SLC27A4: variants seen among roughly 807,000 people sequenced by gnomAD.
SLC27A4 encodes the protein long-chain fatty acid transport protein 4.
A neutral mutation model predicts 64.4 loss-of-function variants in SLC27A4; 33 were observed. That is an observed-to-expected ratio of 0.51 (90% CI 0.39 to 0.68). SLC27A4 has a LOEUF of 0.68. Ranked by LOEUF, SLC27A4 falls within the 30% of genes least tolerant of loss-of-function variation. The pLI, the probability that SLC27A4 is intolerant of heterozygous loss-of-function variation, is 0.00. For synonymous variants in SLC27A4, 377 were observed against 370.0 expected, an observed-to-expected ratio of 1.02 and a Z score of -0.22; for missense variants, 824 against 883.5, an observed-to-expected ratio of 0.93 and a Z score of 0.85.
intron 3 of SLC27A4, among the ~76,000 whole-genome samples, chr9:128,346,162 A>G (rs902798469): frequency 6.6e-6 from 1 of 152,114 alleles, no homozygotes. Flanking sequence ...CTGCCTCTCA[A>G]AGTGCTGGGA....
chr9:128,352,803 A>T (rs140839097), intron 7 of SLC27A4, 56 bp downstream of exon 7: 2 of 1,361,578 alleles, frequency 1.5e-6, no homozygotes, highest in Non-Finnish European at 2.1e-6. Context: ...CCTCTTCCCA[A>T]CTACACTCCG....
In SLC27A4 at chr9:128,345,443, T is replaced by A. The variant is rs141658118; in HGVS notation, c.450T>A (p.Gly150=). The A allele has an allele frequency of 2.5e-6, 4 of 1,613,492 alleles. No individual in the cohort carries two copies. The highest frequency in any genetic ancestry group is 3.4e-6 in the Non-Finnish European group (4 of 1,179,998). ...TATGGCTGGGCATGGCCAAGCTCGG[T>A]GTGGAGGCAGCCCTCATCAACACCA... is the stretch of plus-strand genomic sequence containing the variant. ...VGLWLGMAKL[G]VEAALINTNL... is the part of the protein sequence containing the mutation. Residue 150 remains glycine, a synonymous_variant, in exon 3 of 13, where the codon GGT becomes GGA. Coordinates refer to ENST00000300456, the MANE Select transcript of SLC27A4 (RefSeq NM_005094.4). This position sits in a 1 kb window ranked among gnomAD's most constrained non-coding sequence, Gnocchi z 4.1.
At chr9:128,347,619 C>T (rs1352802927) in intron 3 of SLC27A4, among the ~76,000 whole-genome samples, 1 of 151,012 alleles carries the variant, frequency 6.6e-6, no homozygotes, top group Non-Finnish European at 1.5e-5. Flanking sequence ...CTTGGCTACT[C>T]AGGAGGCTGA....
At chr9:128,352,553 C>A in intron 6 of SLC27A4, 85 bp from the exon 7 acceptor site, 2 of 1,097,446 alleles carry the variant, frequency 1.8e-6, no homozygotes, top group South Asian at 1.3e-5. Context: ...CACAAGCCTG[C>A]CTGGCTGGAT....
chr9:128,347,099 G>GT (rs1170761562), intron 3 of SLC27A4, among the ~76,000 whole-genome samples: 2 of 152,128 alleles, frequency 1.3e-5, no homozygotes, highest in Admixed American at 1.3e-4. Flanking sequence ...TAATTAGGCC[G>GT]TATCTAGCTC....
chr9:128,358,858 G>A (rs562434135), intron 12 of SLC27A4, among the ~76,000 whole-genome samples: 1 of 152,306 alleles, frequency 6.6e-6, no homozygotes, highest in Non-Finnish European at 1.5e-5. Context: ...TCACCCTTTG[G>A]AAGGCTAGAC....
At chr9:128,351,713 T>C (rs758760203) in intron 6 of SLC27A4, among the ~76,000 whole-genome samples, 4 of 152,130 alleles carry the variant, frequency 2.6e-5, no homozygotes, top group Non-Finnish European at 2.9e-5. Context: ...CAAGACTCTG[T>C]CTCAAAATAA....
Position 128,352,692 on chromosome 9 carries a change from GGAA to G in SLC27A4, c.937_939del (p.Lys313del). ...CTGCATGGCATGACGGTGGTGATTCGGAAGAAGTTCTCAGCCTCCCGGTTCTGG... is the reference window on the plus strand; with the variant it reads ...CTGCATGGCATGACGGTGGTGATTCGGAAGTTCTCAGCCTCCCGGTTCTGG... On this transcript the variant is annotated inframe_deletion, in exon 7 of 13. Coordinates refer to ENST00000300456, the MANE Select transcript of SLC27A4 (RefSeq NM_005094.4). 6.2e-7 allele frequency: 1 copy of G among 1,614,166 alleles called. No individual in the cohort carries two copies. The highest frequency in any genetic ancestry group is 8.5e-7 in the Non-Finnish European group (1 of 1,180,024).
At chr9:128,357,495 T>C (rs1832838085) in intron 12 of SLC27A4, among the ~76,000 whole-genome samples, 1 of 151,984 alleles carries the variant, frequency 6.6e-6, no homozygotes, top group Non-Finnish European at 1.5e-5. Context: ...TCTACAAAGC[T>C]CTCTGGCTGC....
At chr9:128,343,374 C>T in intron 2 of SLC27A4, 81 bp downstream of exon 2, 3 of 1,522,418 alleles carry the variant, frequency 2.0e-6, no homozygotes, top group Non-Finnish European at 1.8e-6. Context: ...CAGGCCAGAC[C>T]TCATGTTCTC....
chr9:128,345,868 G>T lies in SLC27A4; in HGVS notation c.556+319G>T, dbSNP rs1221780949. On this transcript the variant is annotated intron_variant, in intron 3 of 12. Coordinates refer to ENST00000300456, the MANE Select transcript of SLC27A4 (RefSeq NM_005094.4). This position sits in a 1 kb window ranked among gnomAD's most constrained non-coding sequence, Gnocchi z 4.1. ...GGATCCCTTGAGCCCAGGAGTTTGA[G>T]ACCAGCCTAGGCAACATAGTAAGAC... is the stretch of plus-strand genomic sequence containing the variant. 6.6e-6 allele frequency among the ~76,000 whole-genome samples: 1 copy of T among 152,188 alleles called. No homozygotes were observed. Among genetic ancestry groups the T allele is most frequent in the East Asian group, 1.9e-4 (1 of 5,182 alleles).
chr9:128,360,436 T>A lies in SLC27A4; in HGVS notation c.1877T>A (p.Val626Asp), dbSNP rs1156678402. ...FYLDAQKGRY[V>D]PLDQEAYSRI... is the part of the protein sequence containing the mutation. ...CTAGATGCCCAGAAGGGCCGCTACG[T>A]CCCGCTGGACCAAGAGGCCTACAGC... is the stretch of plus-strand genomic sequence containing the variant. The change falls in exon 13 of 13, where the codon GTC becomes GAC. Residue 626 changes from valine to aspartate, a missense_variant. Val to Asp is a radical substitution (Grantham distance 152). Coordinates refer to ENST00000300456, the MANE Select transcript of SLC27A4 (RefSeq NM_005094.4). The A allele has an allele frequency of 6.2e-7, 1 of 1,613,948 alleles. No individual in the cohort carries two copies. Among genetic ancestry groups the A allele is most frequent in the Non-Finnish European group, 8.5e-7 (1 of 1,180,036 alleles).
chr9:128,345,697 C>T lies in SLC27A4; in HGVS notation c.556+148C>T, dbSNP rs1348140175. On this transcript the variant is annotated intron_variant, in intron 3 of 12. Coordinates refer to ENST00000300456, the MANE Select transcript of SLC27A4 (RefSeq NM_005094.4). This position sits in a 1 kb window ranked among gnomAD's most constrained non-coding sequence, Gnocchi z 4.1. ...CAGCTTAGGCAGTGCCACGAGTAAA[C>T]GAGATCCTGGGGAAGGGACTGATTT... 9 of 951,398 alleles carry T rather than the reference C, an allele frequency of 9.5e-6. No homozygotes were observed. Among genetic ancestry groups the T allele is most frequent in the South Asian group, 7.1e-5 (4 of 56,130 alleles). 58.9% of individuals were successfully genotyped at this position (951,398 alleles called of 1,614,324 possible).
chr9:128,342,228 A>G (rs1832584555), intron 1 of SLC27A4: 2 of 1,609,948 alleles, frequency 1.2e-6, no homozygotes, highest in Non-Finnish European at 8.5e-7. Flanking sequence ...TTTCCTCCGC[A>G]ACCATGTCTG....
rs569113993 is a variant in SLC27A4, at chr9:128,355,195, G to A, written c.1462+5G>A. 26 of 1,613,164 alleles carry A rather than the reference G, an allele frequency of 1.6e-5. No homozygotes were observed. The South Asian group carries it at 2.7e-4, about 17-fold the overall frequency. On this transcript the variant is annotated splice_donor_5th_base_variant and intron_variant, in intron 10 of 12. Transcript: ENST00000300456. The stretch of plus-strand genomic sequence containing the variant: ...GGGACCAGGCCTACCTTACTGGTGG[G>A]TCCCCAGCCCTTCACAGCCCCTTCC...
intron 4 of SLC27A4, among the ~76,000 whole-genome samples, chr9:128,349,704 C>G (rs1289359423): frequency 6.6e-6 from 1 of 152,174 alleles, no homozygotes; most frequent in Non-Finnish European, 1.5e-5. Flanking sequence ...CTGTGGAGTT[C>G]CTGACCTCCA....
chr9:128,360,599 T>G lies in SLC27A4; in HGVS notation c.*108T>G. 1.6e-6 allele frequency: 2 copies of G among 1,215,024 alleles called. No individual in the cohort carries two copies. Among genetic ancestry groups the G allele is most frequent in the Non-Finnish European group, 2.4e-6 (2 of 843,676 alleles). 75.3% of individuals were successfully genotyped at this position (1,215,024 alleles called of 1,614,324 possible). On this transcript the variant is annotated 3_prime_UTR_variant, in exon 13 of 13. Transcript: ENST00000300456. ...ACCAAAGCAAGCAGGGCCTGGCACCTCCATCCTGAGGTGCTGCCCCTCCAT... is the reference window on the plus strand; with the variant it reads ...ACCAAAGCAAGCAGGGCCTGGCACCGCCATCCTGAGGTGCTGCCCCTCCAT...
In SLC27A4 at chr9:128,355,067, C is replaced by G; in HGVS notation, c.1339C>G (p.Leu447Val). 2.5e-6 allele frequency: 4 copies of G among 1,610,710 alleles called. No homozygotes were observed. The highest frequency in any genetic ancestry group is 1.7e-5 in the Admixed American group (1 of 59,750). Residue 447 changes from leucine to valine, a missense_variant, in exon 10 of 13, where the codon CTG becomes GTG. Leu to Val is a conservative substitution (Grantham distance 32). Transcript: ENST00000300456. The stretch of plus-strand genomic sequence containing the variant: ...CCCCACCCCAGGTGAGCCGGGCCAG[C>G]TGGTGGGCCGCATCATCCAGAAAGA... ...IPCQPGEPGQ[L>V]VGRIIQKDPL...
intron 3 of SLC27A4, among the ~76,000 whole-genome samples, chr9:128,346,238 G>T (rs1024475928): frequency 1.0e-4 from 15 of 145,858 alleles, no homozygotes; most frequent in East Asian, 4.1e-4. Context: ...TGTTTTTTTT[G>T]TTGTTGTTGT....
Sources: gnomAD v4.1 joint callset for allele counts (sites outside exome capture counted in the v4.1 genomes callset) on GRCh38, gnomAD v4.1.1 for gene constraint, Gnocchi (gnomAD v3.1) non-coding constraint, MANE v1.5 for transcripts, NCBI Gene and HGNC (gene_info 2026-07-23, HGNC 2026-07-21) for gene names.